Variants in RBFOX1 observed in about 807,000 individuals in gnomAD.
RBFOX1 encodes RNA binding fox-1 homolog 1.
Under a neutral mutation model 57.7 loss-of-function variants are expected in RBFOX1, and 8 were observed. The observed-to-expected ratio is 0.14, with a 90% CI of 0.08 to 0.25. The LOEUF is 0.25. Among genes scored for constraint, RBFOX1 ranks in the 10% least tolerant of loss-of-function variants. RBFOX1 has a pLI of 1.00. For missense variants in RBFOX1, 611 were observed against 548.5 expected, an observed-to-expected ratio of 1.11 and a Z score of -1.14; for synonymous variants, 326 against 222.4, an observed-to-expected ratio of 1.47 and a Z score of -4.15.
At chr16:5,513,663 A>G (rs552719968) in intron 2 of RBFOX1, among the ~76,000 whole-genome samples, 1 of 152,294 alleles carries the variant, frequency 6.6e-6, no homozygotes, top group Non-Finnish European at 1.5e-5. Flanking sequence ...TATTTATTCA[A>G]TCATTTATTT....
intron 4 of RBFOX1, among the ~76,000 whole-genome samples, chr16:7,222,296 A>G (rs532121374): frequency 1.3e-5 from 2 of 152,324 alleles, no homozygotes; most frequent in East Asian, 1.9e-4. Context: ...ATACTACACT[A>G]GACAGGCAAG....
At chr16:6,351,323 C>CGTGTGTGTGT (rs71406370) in intron 2 of RBFOX1, among the ~76,000 whole-genome samples, 3 of 112,928 alleles carry the variant, frequency 2.7e-5, no homozygotes, top group Non-Finnish European at 3.5e-5. Context: ...ATATATATAA[C>CGTGTGTGTGT]GTGTGTGTGT....
intron 4 of RBFOX1, among the ~76,000 whole-genome samples, chr16:7,459,759 AAATAT>A (rs1427911418): frequency 6.6e-6 from 1 of 152,180 alleles, no homozygotes; most frequent in Non-Finnish European, 1.5e-5. Context: ...TTGATTTGGA[AAATAT>A]AATAAATGTA....
At chr16:5,358,267 G>A (rs2065448600) in intron 1 of RBFOX1, among the ~76,000 whole-genome samples, 3 of 147,068 alleles carry the variant, frequency 2.0e-5, no homozygotes, top group South Asian at 4.2e-4. Context: ...CTTTTTATAA[G>A]GACATAGTTT....
chr16:7,648,252 G>T (rs1159319491), intron 11 of RBFOX1, among the ~76,000 whole-genome samples: 2 of 151,992 alleles, frequency 1.3e-5, no homozygotes, highest in African/African-American at 4.8e-5. Context: ...CTGAGTCTTG[G>T]TCTGTCACCC....
At chr16:7,507,848 C>T (rs1170671929) in intron 4 of RBFOX1, among the ~76,000 whole-genome samples, 2 of 152,030 alleles carry the variant, frequency 1.3e-5, no homozygotes, top group Non-Finnish European at 2.9e-5. Context: ...CAGGCATGAG[C>T]CACGGCGCCC....
At chr16:6,892,030 A>G (rs952243742) in intron 3 of RBFOX1, among the ~76,000 whole-genome samples, 15 of 152,078 alleles carry the variant, frequency 9.9e-5, no homozygotes, top group Admixed American at 2.6e-4. Flanking sequence ...GCCTACTTAG[A>G]ATTTTCTGTT....
chr16:6,278,360 G>A (rs1461271898), intron 1 of RBFOX1, among the ~76,000 whole-genome samples: 23 of 105,418 alleles, frequency 2.2e-4, no homozygotes, highest in Non-Finnish European at 3.8e-4. Flanking sequence ...CCAACTGGGG[G>A]AAATTGTAGG....
chr16:6,110,342 A>G (rs146900497), intron 1 of RBFOX1, among the ~76,000 whole-genome samples: 2 of 152,152 alleles, frequency 1.3e-5, no homozygotes, highest in Non-Finnish European at 2.9e-5. Context: ...ATTGCTAGAG[A>G]ATAGCACAGA....
intron 4 of RBFOX1, among the ~76,000 whole-genome samples, chr16:7,373,593 C>G (rs1055757059): frequency 6.6e-6 from 1 of 151,862 alleles, no homozygotes; most frequent in African/African-American, 2.4e-5. Context: ...GGTCCACAGC[C>G]AGTCTATAAT....
chr16:5,731,958 A>G (rs1304978859), intron 3 of RBFOX1, among the ~76,000 whole-genome samples: 3 of 152,182 alleles, frequency 2.0e-5, no homozygotes, highest in Non-Finnish European at 2.9e-5. Context: ...TGCTGACCCA[A>G]AAGCTTAATG....
chr16:6,563,789 G>T (rs558354279), intron 2 of RBFOX1, among the ~76,000 whole-genome samples: 1 of 151,884 alleles, frequency 6.6e-6, no homozygotes, highest in East Asian at 1.9e-4. Flanking sequence ...CTGAGCCACT[G>T]CAATCCAGTC....
intron 3 of RBFOX1, among the ~76,000 whole-genome samples, chr16:5,716,021 A>C (rs537957786): frequency 6.6e-6 from 1 of 152,196 alleles, no homozygotes; most frequent in Non-Finnish European, 1.5e-5. Flanking sequence ...TGAAGTGGGC[A>C]AGGCAGGAAT....
Position 6,707,535 on chromosome 16 carries a change from C to G in RBFOX1, c.-16+52885C>G, listed in dbSNP as rs74746922. ...ACTGCAGTGAACATCCTTGTACATG[C>G]ATCTTGGGGCATTTCTAAGATTTCC... On this transcript the variant is annotated intron_variant, in intron 3 of 15. Transcript: ENST00000550418. Among the ~76,000 whole-genome samples the G allele has an allele frequency of 2.6e-3, 363 of 139,272 alleles. 4 individuals are homozygous for G. The highest frequency in any genetic ancestry group is 9.3e-3 in the African/African-American group (336 of 36,308). The allele number at this position is 139,272 out of a possible 152,430, so 91.4% of individuals were successfully genotyped here. A position where few individuals can be genotyped will look rare whatever the true frequency, so the allele number is the denominator to read the frequency against.
intron 1 of RBFOX1, among the ~76,000 whole-genome samples, chr16:6,251,060 C>G (rs1466600069): frequency 6.6e-6 from 1 of 152,108 alleles, no homozygotes; most frequent in Admixed American, 6.6e-5. Flanking sequence ...AGTTTGCAAA[C>G]AGCAGTACCA....
chr16:6,683,487 T>A (rs928476057), intron 3 of RBFOX1, among the ~76,000 whole-genome samples: 6 of 152,228 alleles, frequency 3.9e-5, no homozygotes, highest in African/African-American at 1.4e-4. Flanking sequence ...AATATATACA[T>A]GCATCCAAAA....
intron 2 of RBFOX1, among the ~76,000 whole-genome samples, chr16:5,525,978 G>A (rs2044228656): frequency 6.6e-6 from 1 of 152,090 alleles, no homozygotes; most frequent in Non-Finnish European, 1.5e-5. Context: ...TCAGGGAGAG[G>A]GGAGCTGGTA....
At chr16:7,468,094 C>G (rs563813289) in intron 4 of RBFOX1, among the ~76,000 whole-genome samples, 7 of 152,332 alleles carry the variant, frequency 4.6e-5, no homozygotes, top group South Asian at 4.1e-4. Context: ...GCGAGCATCA[C>G]AGAACTTGGT....
At chr16:5,508,414 T>G (rs992286794) in intron 2 of RBFOX1, among the ~76,000 whole-genome samples, 2 of 152,198 alleles carry the variant, frequency 1.3e-5, no homozygotes, top group African/African-American at 4.8e-5. Context: ...AGACAGAGTC[T>G]CCTAGCAAGG....
Sources: allele counts gnomAD v4.1 joint callset (sites outside exome capture counted in the v4.1 genomes callset), GRCh38; gene constraint gnomAD v4.1.1; transcripts MANE v1.5; gene names NCBI Gene and HGNC (gene_info 2026-07-23, HGNC 2026-07-21).